Variants in TOGARAM2 observed in about 807,000 individuals in gnomAD.
TOGARAM2 encodes TOG array regulator of axonemal microtubules protein 2.
In TOGARAM2, 85 loss-of-function variants were observed where a neutral mutation model predicts 93.3. The observed-to-expected ratio is 0.91, with a 90% CI of 0.76 to 1.09. The LOEUF (loss-of-function observed/expected upper bound fraction) is 1.09. TOGARAM2 is among the 50% of genes least tolerant of loss of function. The pLI, the probability that TOGARAM2 is intolerant of heterozygous loss-of-function variation, is 0.00. For synonymous variants in TOGARAM2, 593 were observed against 552.8 expected (o/e 1.07, Z -1.02); for missense variants, 1,277 against 1,334.5 (o/e 0.96, Z 0.67).
intron 5 of TOGARAM2, 146 bp downstream of exon 5, chr2:29,002,893 A>G (rs977270006): frequency 9.6e-6 from 7 of 732,408 alleles, no homozygotes; most frequent in Middle Eastern, 3.3e-4. Context: ...GGATAGGGAC[A>G]GCACTGGGAG....
chr2:29,005,992 T>TGTGGAGTGTGTGC (rs139827832), intron 6 of TOGARAM2, among the ~76,000 whole-genome samples: 2 of 145,158 alleles, frequency 1.4e-5, no homozygotes, highest in African/African-American at 2.6e-5. Flanking sequence ...AGTGCATGTG[T>TGTGGAGTGTGTGC]AGGGTGTGTA....
chr2:28,991,869 G>T (rs1672747748), intron 1 of TOGARAM2, among the ~76,000 whole-genome samples: 1 of 152,208 alleles, frequency 6.6e-6, no homozygotes, highest in Non-Finnish European at 1.5e-5. Flanking sequence ...ATGGGAGGAG[G>T]GGACAACGGT....
intron 1 of TOGARAM2, among the ~76,000 whole-genome samples, chr2:28,969,762 G>A (rs1671917895): frequency 6.7e-6 from 1 of 149,466 alleles, no homozygotes. Flanking sequence ...CCTAATGAAT[G>A]TTAATTTTCT....
intron 2 of TOGARAM2, 65 bp from the exon 3 acceptor site, chr2:28,998,077 TG>T (rs757571227): frequency 1.7e-6 from 2 of 1,149,986 alleles, no homozygotes; most frequent in Non-Finnish European, 2.5e-6. Flanking sequence ...CGGGTGTTCT[TG>T]GTTTGCTCCC....
intron 2 of TOGARAM2, 82 bp downstream of exon 2, chr2:28,994,944 A>T (rs1308649122): frequency 2.0e-6 from 3 of 1,497,774 alleles, no homozygotes; most frequent in Non-Finnish European, 2.7e-6. Context: ...GGCCAGAAAA[A>T]GGGAGATGTG....
intron 1 of TOGARAM2, among the ~76,000 whole-genome samples, chr2:28,992,086 G>A (rs1028829585): frequency 1.3e-5 from 2 of 152,190 alleles, no homozygotes; most frequent in African/African-American, 4.8e-5. Flanking sequence ...AGTGCTGGGT[G>A]TGATGGGGCC....
chr2:29,034,589 TG>T (rs946098575), intron 16 of TOGARAM2, among the ~76,000 whole-genome samples: 6 of 152,284 alleles, frequency 3.9e-5, no homozygotes, highest in African/African-American at 1.4e-4. Context: ...GGATGGGACC[TG>T]GGTGTAGGGC....
intron 18 of TOGARAM2, among the ~76,000 whole-genome samples, chr2:29,037,663 GAA>G (rs1159441670): frequency 2.0e-5 from 3 of 152,292 alleles, no homozygotes; most frequent in Admixed American, 1.3e-4. Context: ...GAGGCTCCAG[GAA>G]AAGTTTCAGT....
At chr2:29,026,693 T>C (rs1665393949) in intron 13 of TOGARAM2, among the ~76,000 whole-genome samples, 160 bp from the exon 14 acceptor site, 1 of 152,214 alleles carries the variant, frequency 6.6e-6, no homozygotes, top group Non-Finnish European at 1.5e-5. Flanking sequence ...GTGAGTGCTC[T>C]TTCCTCAAAG....
At chr2:29,048,780 G>C (rs1666894648) in intron 19 of TOGARAM2, 1 of 147,100 alleles carries the variant, frequency 6.8e-6, no homozygotes, top group Non-Finnish European at 1.5e-5. Flanking sequence ...CTAGGGTCAA[G>C]CCATTCTCAT....
At position 29,004,929 on chromosome 2, in the gene TOGARAM2, AGTGCATGTGT is replaced by A. The variant is rs1490294838; in HGVS notation, c.830+1268_830+1277del. Among the ~76,000 whole-genome samples, 96 of 99,842 alleles carry A rather than the reference AGTGCATGTGT, an allele frequency of 9.6e-4. 11 individuals carry two copies. The highest frequency in any genetic ancestry group is 3.0e-3 in the African/African-American group (63 of 21,208). The allele number at this position is 99,842 out of a possible 152,430, so 65.5% of individuals were successfully genotyped here. On this transcript the variant is annotated intron_variant, in intron 6 of 19. Transcript: ENST00000379558. ...ATGTGTGTGCATGTGTACGTGTGTG[AGTGCATGTGT>A]GTGCATGTGTGTGCATGTGTATGTG... is the stretch of plus-strand genomic sequence containing the variant.
chr2:28,968,671 T>G (rs942106107), intron 1 of TOGARAM2, among the ~76,000 whole-genome samples: 24 of 151,852 alleles, frequency 1.6e-4, no homozygotes, highest in Non-Finnish European at 2.6e-4. Flanking sequence ...CAAAAAATAT[T>G]AGCTGAGCAT....
At chr2:29,028,377 G>T (rs1332639080) in intron 14 of TOGARAM2, among the ~76,000 whole-genome samples, 2 of 152,132 alleles carry the variant, frequency 1.3e-5, no homozygotes, top group African/African-American at 4.8e-5. Context: ...GCACCTCCTC[G>T]GACGTGCCCA....
intron 1 of TOGARAM2, among the ~76,000 whole-genome samples, chr2:28,983,552 T>C (rs1167812823): frequency 6.6e-6 from 1 of 151,796 alleles, no homozygotes; most frequent in Non-Finnish European, 1.5e-5. Flanking sequence ...TAGTCCTTCA[T>C]TTTCCTGTTG....
chr2:29,002,418 C>T, intron 4 of TOGARAM2, 118 bp from the exon 5 acceptor site: 1 of 850,328 alleles, frequency 1.2e-6, no homozygotes, highest in East Asian at 2.7e-5. Flanking sequence ...GATCTGATCT[C>T]TCTCCTCGCC....
intron 1 of TOGARAM2, among the ~76,000 whole-genome samples, chr2:28,969,039 G>A (rs1260052130): frequency 2.2e-4 from 34 of 152,076 alleles, no homozygotes; most frequent in Admixed American, 2.2e-3. Context: ...AGCATGAGAG[G>A]AAGACAGGAT....
At chr2:29,005,497 G>A (rs1295605752) in intron 6 of TOGARAM2, among the ~76,000 whole-genome samples, 1 of 100,202 alleles carries the variant, frequency 1.0e-5, no homozygotes, top group Non-Finnish European at 2.3e-5. Flanking sequence ...ATGTGTGTGA[G>A]TGCATGTGTT....
intron 18 of TOGARAM2, among the ~76,000 whole-genome samples, chr2:29,039,831 G>C (rs1251677925): frequency 6.6e-6 from 1 of 152,120 alleles, no homozygotes; most frequent in East Asian, 1.9e-4. Flanking sequence ...TCTGTCTTTG[G>C]GCTCTTATTG....
At chr2:29,006,009 CGT>C (rs1425467963) in intron 6 of TOGARAM2, among the ~76,000 whole-genome samples, 44 of 41,930 alleles carry the variant, frequency 1.0e-3, no homozygotes, top group East Asian at 1.9e-3. Flanking sequence ...TGTATGTGTG[CGT>C]GTGTGTGTGA....
Sources: gnomAD v4.1 joint callset for allele counts (sites outside exome capture counted in the v4.1 genomes callset) on GRCh38, gnomAD v4.1.1 for gene constraint, MANE v1.5 for transcripts, NCBI Gene and HGNC (gene_info 2026-07-23, HGNC 2026-07-21) for gene names.